Variants in VEPH1 observed in about 807,000 individuals in gnomAD.
The protein encoded by VEPH1 is ventricular zone expressed PH domain containing 1, also known as ventricular zone-expressed PH domain-containing protein homolog 1.
VEPH1 carries 80 observed loss-of-function variants against 85.2 expected under a neutral mutation model. The observed-to-expected ratio is 0.94, with a 90% CI of 0.78 to 1.13. The LOEUF (loss-of-function observed/expected upper bound fraction) is 1.13. Ranked by LOEUF, VEPH1 falls within the 50% of genes most tolerant of loss-of-function variation. VEPH1 has a pLI of 0.00. For missense variants in VEPH1, 955 were observed against 980.5 expected, an observed-to-expected ratio of 0.97 and a Z score of 0.35; for synonymous variants, 297 against 348.0, an observed-to-expected ratio of 0.85 and a Z score of 1.63.
chr3:157,305,652 ACTCTTGAACTGCATTG>A (rs1306738521), intron 11 of VEPH1, among the ~76,000 whole-genome samples: 1 of 152,116 alleles, frequency 6.6e-6, no homozygotes, highest in Non-Finnish European at 1.5e-5. Flanking sequence ...TATTTTTAAG[ACTCTTGAACTGCATTG>A]CTAAATTGCT....
intron 9 of VEPH1, among the ~76,000 whole-genome samples, chr3:157,348,052 G>GC (rs1199840559): frequency 6.6e-6 from 1 of 152,162 alleles, no homozygotes; most frequent in Non-Finnish European, 1.5e-5. Context: ...GCTGTGTGGA[G>GC]CCTGGGCTGG....
At chr3:157,443,790 C>T (rs1734330624) in intron 4 of VEPH1, among the ~76,000 whole-genome samples, 1 of 152,258 alleles carries the variant, frequency 6.6e-6, no homozygotes, top group South Asian at 2.1e-4. Flanking sequence ...TCTGCCAAGT[C>T]AATTCATCTC....
At chr3:157,291,686 G>T (rs1717489470) in intron 11 of VEPH1, among the ~76,000 whole-genome samples, 1 of 152,168 alleles carries the variant, frequency 6.6e-6, no homozygotes, top group East Asian at 1.9e-4. Context: ...TGATGTTTTG[G>T]CTCTCAACTG....
chr3:157,477,584 A>G (rs1448009231), intron 2 of VEPH1, among the ~76,000 whole-genome samples: 1 of 152,172 alleles, frequency 6.6e-6, no homozygotes, highest in African/African-American at 2.4e-5. Context: ...GGCACAAAGT[A>G]TAAACATCTT....
intron 9 of VEPH1, among the ~76,000 whole-genome samples, chr3:157,355,648 C>T (rs1284453740): frequency 1.3e-5 from 2 of 152,212 alleles, no homozygotes; most frequent in Non-Finnish European, 2.9e-5. Flanking sequence ...TTTCTTCAAA[C>T]ATCTAAACTG....
At chr3:157,306,124 C>T (rs116545758) in intron 11 of VEPH1, among the ~76,000 whole-genome samples, 70 of 152,186 alleles carry the variant, frequency 4.6e-4, no homozygotes, top group African/African-American at 1.7e-3. Flanking sequence ...TTAACAAATA[C>T]CCATGTACCT....
intron 9 of VEPH1, among the ~76,000 whole-genome samples, chr3:157,328,630 G>A (rs888756262): frequency 3.9e-5 from 6 of 152,150 alleles, no homozygotes; most frequent in East Asian, 1.9e-4. Flanking sequence ...CTCTCTGAGC[G>A]TCTCCAAAGT....
chr3:157,363,380 A>C lies in VEPH1; in HGVS notation c.1719T>G (p.Asp573Glu), dbSNP rs377370246. The C allele has an allele frequency of 2.0e-5, 32 of 1,608,062 alleles. No homozygotes were observed. In the African/African-American group the frequency reaches 4.0e-4, roughly 20 times the overall value. The change falls in exon 9 of 14, where the codon GAT (aspartate) becomes GAG (glutamate). Residue 573 changes from aspartate (D) to glutamate (E), a missense_variant. Coordinates refer to ENST00000362010, the MANE Select transcript of VEPH1 (RefSeq NM_001167912.2). ...MEIGKKIPVP[D>E]QCTIEDTVRS... is the part of the protein sequence containing the mutation. ...AACACTTACCTTCAATGGTACACTG[A>C]TCAGGGACTGGAATCTTCTTTCCAA...
intron 4 of VEPH1, among the ~76,000 whole-genome samples, chr3:157,433,050 G>A (rs963490344): frequency 6.6e-6 from 1 of 152,144 alleles, no homozygotes; most frequent in South Asian, 2.1e-4. Flanking sequence ...TATTAATAAA[G>A]CAATAGATTT....
At chr3:157,318,576 T>A (rs1721003586) in intron 9 of VEPH1, among the ~76,000 whole-genome samples, 1 of 148,580 alleles carries the variant, frequency 6.7e-6, no homozygotes, top group Non-Finnish European at 1.5e-5. Context: ...CACTGCACTC[T>A]AGCCTGGGCA....
chr3:157,448,114 G>A (rs1009930931), intron 4 of VEPH1, among the ~76,000 whole-genome samples: 30 of 151,984 alleles, frequency 2.0e-4, no homozygotes, highest in Middle Eastern at 3.2e-3. Context: ...ATTAAATGGG[G>A]GGGGGACAAT....
intron 10 of VEPH1, 79 bp downstream of exon 10, chr3:157,316,983 G>T: frequency 1.4e-6 from 2 of 1,454,458 alleles, no homozygotes; most frequent in South Asian, 1.5e-5. Context: ...TCTGGCCAAA[G>T]AATAATTCAA....
chr3:157,395,987 A>G (rs1730343797), intron 6 of VEPH1, among the ~76,000 whole-genome samples: 1 of 152,128 alleles, frequency 6.6e-6, no homozygotes, highest in Non-Finnish European at 1.5e-5. Flanking sequence ...GGTTTGTTAC[A>G]TAGGTAAATG....
intron 4 of VEPH1, among the ~76,000 whole-genome samples, chr3:157,456,341 G>A (rs1456212525): frequency 1.3e-5 from 2 of 152,020 alleles, no homozygotes; most frequent in Non-Finnish European, 2.9e-5. Flanking sequence ...CTTTTGCTGT[G>A]CAGAAGCTCT....
intron 12 of VEPH1, among the ~76,000 whole-genome samples, chr3:157,282,515 C>T (rs968133307): frequency 6.6e-6 from 1 of 152,284 alleles, no homozygotes; most frequent in South Asian, 2.1e-4. Flanking sequence ...TTTTAAATGT[C>T]TAGTGACTAA....
At chr3:157,487,940 C>T (rs1035624287) in intron 2 of VEPH1, among the ~76,000 whole-genome samples, 2 of 152,034 alleles carry the variant, frequency 1.3e-5, no homozygotes, top group Non-Finnish European at 2.9e-5. Flanking sequence ...TATGCTTACA[C>T]TGAAAAGTCA....
chr3:157,470,220 C>T, intron 3 of VEPH1, 94 bp downstream of exon 3: 1 of 1,142,246 alleles, frequency 8.8e-7, no homozygotes, highest in Non-Finnish European at 1.3e-6. Flanking sequence ...TATCTAAATG[C>T]TGCAGAAGCA....
intron 3 of VEPH1, among the ~76,000 whole-genome samples, chr3:157,467,273 G>T (rs1369212904): frequency 6.6e-6 from 1 of 152,038 alleles, no homozygotes; most frequent in African/African-American, 2.4e-5. Context: ...ACCCTGGGTT[G>T]CTTATCTGGG....
At chr3:157,386,879 G>A (rs1729361571) in intron 6 of VEPH1, among the ~76,000 whole-genome samples, 1 of 152,184 alleles carries the variant, frequency 6.6e-6, no homozygotes, top group Admixed American at 6.5e-5. Context: ...AGTGAAAATG[G>A]TAAATAATGT....
Sources: gnomAD v4.1 joint callset for allele counts (sites outside exome capture counted in the v4.1 genomes callset) on GRCh38, gnomAD v4.1.1 for gene constraint, MANE v1.5 for transcripts, NCBI Gene and HGNC (gene_info 2026-07-23, HGNC 2026-07-21) for gene names.